PER3: variants seen among roughly 807,000 people sequenced by gnomAD.
PER3 encodes the protein period circadian regulator 3, also known as period circadian protein homolog 3.
Under a neutral mutation model 127.2 loss-of-function variants are expected in PER3, and 107 were observed. The observed-to-expected ratio is 0.84, with a 90% confidence interval of 0.72 to 0.99. The LOEUF (loss-of-function observed/expected upper bound fraction) is 0.99, where lower values mean the gene tolerates loss of function less well. PER3 is among the 50% of genes least tolerant of loss of function. PER3 has a pLI of 0.00. For synonymous variants in PER3, 618 were observed against 585.8 expected, an observed-to-expected ratio of 1.05 and a Z score of -0.79; for missense variants, 1,560 against 1,525.8, an observed-to-expected ratio of 1.02 and a Z score of -0.37.
chr1:7,837,511 G>A (rs946528541), intron 21 of PER3, among the ~76,000 whole-genome samples: 1 of 152,160 alleles, frequency 6.6e-6, no homozygotes, highest in Non-Finnish European at 1.5e-5. Flanking sequence ...TGTCTGCATT[G>A]TTTGAAAAGA....
In PER3 at chr1:7,809,996, G is replaced by A. The variant is rs551012021; in HGVS notation, c.1346G>A (p.Arg449His). Residue 449 changes from arginine to histidine, a missense_variant, in exon 12 of 22, where the codon CGT becomes CAT. Around this residue, in one of 3 missense-constraint regions of PER3, gnomAD observed 1,332 missense variants for 1,223.6 expected, o/e 1.09. Coordinates refer to ENST00000377532, the MANE Select transcript of PER3 (RefSeq NM_001377275.1). ...IASSSEASGH[R>H]VEETKAEQMT... ...TCCTCCAGTGAGGCCAGTGGGCACCGTGTGGAGGAGACGAAGGCGGAGCAG... is the reference window on the plus strand; with the variant it reads ...TCCTCCAGTGAGGCCAGTGGGCACCATGTGGAGGAGACGAAGGCGGAGCAG... 33 of 1,613,854 alleles carry A rather than the reference G, an allele frequency of 2.0e-5. No homozygotes were observed. The highest frequency in any genetic ancestry group is 1.6e-4 in the Middle Eastern group (1 of 6,062).
chr1:7,815,991 C>CAAAAAAA lies in PER3; in HGVS notation c.1523-3274_1523-3268dup, dbSNP rs34144861. On this transcript the variant is annotated intron_variant, in intron 13 of 21. Coordinates refer to ENST00000377532, the MANE Select transcript of PER3 (RefSeq NM_001377275.1). ...CTGGGCGACAGAGCGGACTCCGTCT[C>CAAAAAAA]AAAAAAAAAAAAAAAAAAAAAAAAA... is the stretch of plus-strand genomic sequence containing the variant. Among the ~76,000 whole-genome samples, 4 of 67,656 alleles carry CAAAAAAA rather than the reference C, an allele frequency of 5.9e-5. No homozygotes were observed. The Admixed American group carries it at 6.4e-4, about 11-fold the overall frequency. 44.4% of individuals were successfully genotyped at this position (67,656 alleles called of 152,430 possible). A position where few individuals can be genotyped will look rare whatever the true frequency, so the allele number is the denominator to read the frequency against.
chr1:7,833,831 C>G (rs2097344678), intron 19 of PER3, among the ~76,000 whole-genome samples: 1 of 151,958 alleles, frequency 6.6e-6, no homozygotes, highest in African/African-American at 2.4e-5. Context: ...TTCCTCCTAC[C>G]CTCCTCCTTT....
chr1:7,827,845 T>TGAGA (rs779110900), intron 18 of PER3, 30 bp downstream of exon 18: 1 of 1,516,988 alleles, frequency 6.6e-7, no homozygotes, highest in Admixed American at 1.8e-5. Context: ...AACACTCAAG[T>TGAGA]GAGAAAGTGA....
Position 7,837,005 on chromosome 1 carries a change from A to G in PER3, c.3405A>G (p.Lys1135=), listed in dbSNP as rs2097361797. 1 of 1,612,432 alleles carries G rather than the reference A, an allele frequency of 6.2e-7. No individual in the cohort carries two copies. The highest frequency in any genetic ancestry group is 1.3e-5 in the African/African-American group (1 of 74,784). The stretch of plus-strand genomic sequence containing the variant: ...TCTGTTTGTTTGTTTTCAGGGTTAA[A>G]GAAGTTGTACTAAAAGAAGACCTGG... ...LMTYQVPERV[K]EVVLKEDLEK... is the part of the protein sequence containing the mutation. The change falls in exon 21 of 22, where the codon AAA becomes AAG. Residue 1135 remains lysine, a synonymous_variant. Coordinates refer to ENST00000377532, the MANE Select transcript of PER3 (RefSeq NM_001377275.1).
At chr1:7,804,004 G>A (rs573149684) in intron 10 of PER3, 156 bp downstream of exon 10, 14 of 574,356 alleles carry the variant, frequency 2.4e-5, no homozygotes, top group South Asian at 1.7e-4. Flanking sequence ...AGTGTGTACC[G>A]TGAGCCTTAA....
chr1:7,807,269 G>A (rs1285385515), intron 10 of PER3, among the ~76,000 whole-genome samples: 4 of 152,154 alleles, frequency 2.6e-5, no homozygotes, highest in East Asian at 1.9e-4. Flanking sequence ...TGTACCTGAC[G>A]CCATGCAGAT....
chr1:7,820,686 A>G (rs903675792), intron 16 of PER3, 46 bp downstream of exon 16: 1 of 1,477,376 alleles, frequency 6.8e-7, no homozygotes, highest in African/African-American at 1.4e-5. Flanking sequence ...AACTTTAACT[A>G]CATTGTGATG....
rs533297712 is a variant in PER3, at chr1:7,844,618, T to C, written c.*1863T>C. On this transcript the variant is annotated 3_prime_UTR_variant, in exon 22 of 22. Transcript: ENST00000377532. ...GGATATTTGTATTATCCAAATGTGC[T>C]TATTTCTTTGCCTTAGCACACGTTT... is the stretch of plus-strand genomic sequence containing the variant. 6.5e-6 allele frequency: 1 copy of C among 152,838 alleles called. No individual in the cohort carries two copies. The highest frequency in any genetic ancestry group is 6.5e-5 in the Admixed American group (1 of 15,280). The allele number at this position is 152,838 out of a possible 1,614,324, so 9.5% of individuals were successfully genotyped here. A position where few individuals can be genotyped will look rare whatever the true frequency, so the allele number is the denominator to read the frequency against.
At chr1:7,812,237 G>A (rs527260636) in intron 13 of PER3, among the ~76,000 whole-genome samples, 10 of 150,750 alleles carry the variant, frequency 6.6e-5, no homozygotes, top group South Asian at 2.1e-4. Flanking sequence ...TCTTATCATC[G>A]ACCATGGATC....
intron 21 of PER3, among the ~76,000 whole-genome samples, chr1:7,840,453 G>T (rs942386625): frequency 6.8e-6 from 1 of 147,758 alleles, no homozygotes; most frequent in Non-Finnish European, 1.5e-5. Flanking sequence ...TCAGCCTCCC[G>T]AGTAGCTAGC....
At chr1:7,806,105 G>A (rs1477861190) in intron 10 of PER3, among the ~76,000 whole-genome samples, 1 of 152,138 alleles carries the variant, frequency 6.6e-6, no homozygotes, top group Non-Finnish European at 1.5e-5. Flanking sequence ...CACTGTAATG[G>A]GAGAGACAGT....
At chr1:7,791,113 G>T in intron 5 of PER3, among the ~76,000 whole-genome samples, 1 of 152,230 alleles carries the variant, frequency 6.6e-6, no homozygotes, top group East Asian at 1.9e-4. Context: ...ACTAGGCAGT[G>T]CCCCAGTGAA....
rs367596473 is a variant in PER3 at position 7,827,490 on chromosome 1, C to T, written c.2561C>T (p.Thr854Ile). ...GCTTTCCCTTTTCCTTACTTGGATA[C>T]TTTTATGACCGTTTTCCTGCCTGAC... ...YPAFPFPYLD[T>I]FMTVFLPDPP... The change falls in exon 18 of 22, where the codon ACT becomes ATT. Residue 854 changes from threonine to isoleucine, a missense_variant. Around this residue, in one of 3 missense-constraint regions of PER3, gnomAD observed 1,332 missense variants for 1,223.6 expected, o/e 1.09. Transcript: ENST00000377532. 6.2e-7 allele frequency: 1 copy of T among 1,614,118 alleles called. No homozygotes were observed. The highest frequency in any genetic ancestry group is 1.3e-5 in the African/African-American group (1 of 74,950).
Position 7,829,831 on chromosome 1 carries a change from T to C in PER3, c.2887-3T>C, listed in dbSNP as rs377625689. On this transcript the variant is annotated splice_region_variant and splice_polypyrimidine_tract_variant and intron_variant, in intron 18 of 21. Coordinates refer to ENST00000377532, the MANE Select transcript of PER3 (RefSeq NM_001377275.1). ...TGTCTTTTCATGTGCCCTTACTTTC[T>C]AGCAGTGTGTTACAGGCAACAATGG... 1 of 1,609,518 alleles carries C rather than the reference T, an allele frequency of 6.2e-7. No homozygotes were observed. Among genetic ancestry groups the C allele is most frequent in the African/African-American group, 1.3e-5 (1 of 74,824 alleles).
At chr1:7,814,055 C>T (rs1378561966) in intron 13 of PER3, among the ~76,000 whole-genome samples, 3 of 152,102 alleles carry the variant, frequency 2.0e-5, no homozygotes, top group Non-Finnish European at 4.4e-5. Flanking sequence ...AGATGAGGAA[C>T]GCATTTGATA....
At position 7,829,856 on chromosome 1, in the gene PER3, G is replaced by A. The variant is rs746175014; in HGVS notation, c.2909G>A (p.Gly970Asp). Residue 970 changes from glycine to aspartate, a missense_variant, in exon 19 of 22, where the codon GGC becomes GAC. Gly to Asp is a moderately conservative substitution (Grantham distance 94). This residue lies in a region of PER3 where 1,332 missense variants were observed against 1,223.6 expected (regional missense o/e 1.09). Coordinates refer to ENST00000377532, the MANE Select transcript of PER3 (RefSeq NM_001377275.1). ...TAGCAGTGTGTTACAGGCAACAATG[G>A]CAGTGAGAGCAGTCCTGCTACTACC... The part of the protein sequence containing the change: ...TEYQCVTGNN[G>D]SESSPATTGA... 1 of 1,613,982 alleles carries A rather than the reference G, an allele frequency of 6.2e-7. No homozygotes were observed. Among genetic ancestry groups the A allele is most frequent in the South Asian group, 1.1e-5 (1 of 91,082 alleles).
rs759270886 is a variant in PER3, at chr1:7,827,755, G to C, written c.2826G>C (p.Met942Ile). 6.2e-7 allele frequency: 1 copy of C among 1,613,894 alleles called. No homozygotes were observed. Among genetic ancestry groups the C allele is most frequent in the Non-Finnish European group, 8.5e-7 (1 of 1,180,038 alleles). ...AGTTAAACTTACTTCAGGAAGAGAT[G>C]CCCAGACCCTCTGAATCTCCAGATC... ...PLQLNLLQEE[M>I]PRPSESPDQM... The change falls in exon 18 of 22, where the codon ATG (methionine) becomes ATC (isoleucine). Residue 942 changes from methionine to isoleucine, a missense_variant. Around this residue, in one of 3 missense-constraint regions of PER3, gnomAD observed 1,332 missense variants for 1,223.6 expected, o/e 1.09. Transcript: ENST00000377532.
In PER3 at chr1:7,810,173, C is replaced by A; in HGVS notation, c.1371+152C>A. On this transcript the variant is annotated intron_variant, in intron 12 of 21. Coordinates refer to ENST00000377532, the MANE Select transcript of PER3 (RefSeq NM_001377275.1). ...TCCATTTTGGTTTGGAAAAAAAAGT[C>A]TGTAAAAAGAAAATATCACCTTTGG... is the stretch of plus-strand genomic sequence containing the variant. 3 of 813,780 alleles carry A rather than the reference C, an allele frequency of 3.7e-6. No individual in the cohort carries two copies. The South Asian group carries it at 5.6e-5, about 15-fold the overall frequency. The allele number at this position is 813,780 out of a possible 1,614,324, so 50.4% of individuals were successfully genotyped here. A position where few individuals can be genotyped will look rare whatever the true frequency, so the allele number is the denominator to read the frequency against.
Sources: gnomAD v4.1 joint callset for allele counts (sites outside exome capture counted in the v4.1 genomes callset) on GRCh38, gnomAD v4.1.1 for gene constraint, gnomAD v4.1.1 regional missense constraint, MANE v1.5 for transcripts, NCBI Gene and HGNC (gene_info 2026-07-23, HGNC 2026-07-21) for gene names.